Variants in AKAP1 observed in about 807,000 individuals in gnomAD.
AKAP1 encodes the protein A-kinase anchor protein 1, mitochondrial.
AKAP1 carries 32 observed loss-of-function variants against 79.8 expected under a neutral mutation model. That is an observed-to-expected ratio of 0.40 (90% CI 0.30 to 0.54). The LOEUF (loss-of-function observed/expected upper bound fraction) is 0.54. Among genes scored for constraint, AKAP1 ranks in the 20% least tolerant of loss-of-function variants. AKAP1 has a pLI of 0.47. For missense variants in AKAP1, 961 were observed against 1,138.9 expected, an observed-to-expected ratio of 0.84 and a Z score of 2.25; for synonymous variants, 416 against 466.7, an observed-to-expected ratio of 0.89 and a Z score of 1.40.
chr17:57,119,982 C>T (rs532744418), intron 10 of AKAP1, among the ~76,000 whole-genome samples: 1 of 151,880 alleles, frequency 6.6e-6, no homozygotes, highest in South Asian at 2.1e-4. Context: ...CCTGCCACCA[C>T]ACCTGGCTAA....
At chr17:57,120,140 C>T in intron 10 of AKAP1, 110 bp from the exon 11 acceptor site, 1 of 918,534 alleles carries the variant, frequency 1.1e-6, no homozygotes, top group South Asian at 1.6e-5. Flanking sequence ...CTGTTACTCT[C>T]ATACATCTGT....
intron 1 of AKAP1, among the ~76,000 whole-genome samples, chr17:57,100,571 C>T (rs1287375996): frequency 1.3e-5 from 2 of 152,094 alleles, no homozygotes; most frequent in South Asian, 4.1e-4. Flanking sequence ...AAGCCGAGAT[C>T]GTGCCCACTG....
At chr17:57,108,585 G>A (rs551072370) in intron 2 of AKAP1, among the ~76,000 whole-genome samples, 21 of 152,312 alleles carry the variant, frequency 1.4e-4, no homozygotes, top group Admixed American at 3.3e-4. Flanking sequence ...CGTGGTGATG[G>A]GCAGGGAGGT....
At chr17:57,089,203 G>T (rs926058825) in intron 1 of AKAP1, among the ~76,000 whole-genome samples, 3 of 152,128 alleles carry the variant, frequency 2.0e-5, no homozygotes, top group Non-Finnish European at 4.4e-5. Flanking sequence ...TAGACCAAAC[G>T]TGCCCAGGGG....
At chr17:57,096,704 A>T (rs967853751) in intron 1 of AKAP1, 1 of 152,266 alleles carries the variant, frequency 6.6e-6, no homozygotes, top group African/African-American at 2.4e-5. Flanking sequence ...CTGAGGGTGC[A>T]CAGCCCAGGC....
At chr17:57,105,005 C>G (rs1183084682) in intron 1 of AKAP1, among the ~76,000 whole-genome samples, 4 of 152,152 alleles carry the variant, frequency 2.6e-5, no homozygotes, top group African/African-American at 9.7e-5. Flanking sequence ...TGTGAGGGAA[C>G]CATGCACATG....
Position 57,105,835 on chromosome 17 carries a change from G to A in AKAP1, c.371G>A (p.Arg124His), listed in dbSNP as rs150162032. Reference protein sequence around the residue: ...TTDMRLRPGTRRDDSTKLELA... With the variant: ...TTDMRLRPGTHRDDSTKLELA... Reference sequence around the variant, plus strand: ...GACATGAGATTGCGACCAGGAACACGCAGAGATGACAGTACAAAGCTGGAG... The same window carrying A: ...GACATGAGATTGCGACCAGGAACACACAGAGATGACAGTACAAAGCTGGAG... The change falls in exon 2 of 11, where the codon CGC (arginine) becomes CAC (histidine). Residue 124 changes from arginine to histidine, a missense_variant. Physicochemically the swap from Arg to His is conservative, Grantham distance 29. Transcript: ENST00000337714. 9 of 1,614,090 alleles carry A rather than the reference G, an allele frequency of 5.6e-6. No homozygotes were observed. Among genetic ancestry groups the A allele is most frequent in the Middle Eastern group, 1.6e-4 (1 of 6,084 alleles).
chr17:57,098,697 T>TC (rs3842368), intron 1 of AKAP1: 87,599 of 151,148 alleles, frequency 0.58, 25,808 homozygotes, highest in East Asian at 0.79. Context: ...TCTTACCAAT[T>TC]CCAAGAAGTC....
chr17:57,107,409 G>A (rs1282044947), intron 2 of AKAP1, among the ~76,000 whole-genome samples: 2 of 152,180 alleles, frequency 1.3e-5, no homozygotes, highest in South Asian at 2.1e-4. Flanking sequence ...TTCCTCAACC[G>A]GTGACCTTCC....
chr17:57,110,423 G>T (rs113339535), intron 3 of AKAP1, among the ~76,000 whole-genome samples: 1 of 152,094 alleles, frequency 6.6e-6, no homozygotes, highest in Non-Finnish European at 1.5e-5. Flanking sequence ...GTCTCCCTTG[G>T]GGGTGGTTCT....
intron 10 of AKAP1, among the ~76,000 whole-genome samples, chr17:57,119,298 G>A (rs571870058): frequency 2.4e-4 from 37 of 152,118 alleles, no homozygotes; most frequent in South Asian, 1.2e-3. Context: ...TTATCCAACC[G>A]CAAATGTCAA....
In AKAP1 at chr17:57,110,146, C is replaced by T. The variant is rs951981291; in HGVS notation, c.1836C>T (p.Ile612=). 28 of 1,613,754 alleles carry T rather than the reference C, an allele frequency of 1.7e-5. No individual in the cohort carries two copies. Among genetic ancestry groups the T allele is most frequent in the African/African-American group, 1.3e-4 (10 of 74,900 alleles). Residue 612 remains isoleucine, a synonymous_variant, in exon 3 of 11, where the codon ATC becomes ATT. Coordinates refer to ENST00000337714, the MANE Select transcript of AKAP1 (RefSeq NM_003488.4). ...PKKVDLIIWE[I]EVPKHLVGRL... is the part of the protein sequence containing the mutation. ...AGGTCGACCTCATCATCTGGGAGAT[C>T]GAGGTGCCAAAGGTAGGGGCGGAGT...
intron 1 of AKAP1, among the ~76,000 whole-genome samples, chr17:57,091,301 A>G (rs1047158281): frequency 2.0e-5 from 3 of 151,412 alleles, no homozygotes; most frequent in Admixed American, 6.6e-5. Flanking sequence ...TGCTGGTGCT[A>G]TTTTTAGCAG....
At chr17:57,110,249 G>T (rs375112587) in intron 3 of AKAP1, 91 bp downstream of exon 3, 6 of 1,526,294 alleles carry the variant, frequency 3.9e-6, no homozygotes, top group Non-Finnish European at 5.3e-6. Context: ...AGGGGGCTGG[G>T]AGAGGGACAG....
Position 57,106,184 on chromosome 17 carries a change from G to A in AKAP1, c.720G>A (p.Glu240=), listed in dbSNP as rs139907145. The change falls in exon 2 of 11, where the codon GAG becomes GAA. Residue 240 remains glutamate (E), a synonymous_variant. Coordinates refer to ENST00000337714, the MANE Select transcript of AKAP1 (RefSeq NM_003488.4). The part of the protein sequence containing the change: ...NSKGPSLASL[E]GEEDKGKSSS... ...AGGGCCCCAGCCTGGCCTCTTTAGAGGGGGAAGAAGATAAGGGGAAGAGCA... is the reference window on the plus strand; with the variant it reads ...AGGGCCCCAGCCTGGCCTCTTTAGAAGGGGAAGAAGATAAGGGGAAGAGCA... 3.7e-6 allele frequency: 6 copies of A among 1,614,008 alleles called. No homozygotes were observed. Among genetic ancestry groups the A allele is most frequent in the South Asian group, 2.2e-5 (2 of 91,086 alleles).
chr17:57,094,407 C>A (rs1436202050), intron 1 of AKAP1: 1 of 152,204 alleles, frequency 6.6e-6, no homozygotes, highest in Non-Finnish European at 1.5e-5. Flanking sequence ...AGAAGCCAGC[C>A]GATCCATGCA....
chr17:57,096,378 T>G (rs944388831), intron 1 of AKAP1: 3 of 152,174 alleles, frequency 2.0e-5, no homozygotes, highest in African/African-American at 7.2e-5. Flanking sequence ...GCTGGGAAAG[T>G]GTCCCGAGTT....
chr17:57,112,368 C>T, intron 4 of AKAP1, 123 bp from the exon 5 acceptor site: 1 of 1,233,598 alleles, frequency 8.1e-7, no homozygotes, highest in Non-Finnish European at 1.1e-6. Flanking sequence ...TTTGTTACCT[C>T]AAAGATGCAC....
In AKAP1 at chr17:57,106,130, G is replaced by A; in HGVS notation, c.666G>A (p.Arg222=). 1 of 1,608,704 alleles carries A rather than the reference G, an allele frequency of 6.2e-7. No individual in the cohort carries two copies. The highest frequency in any genetic ancestry group is 8.5e-7 in the Non-Finnish European group (1 of 1,176,500). Residue 222 remains arginine, a synonymous_variant, in exon 2 of 11, where the codon CGG becomes CGA. Transcript: ENST00000337714. ...EKVLEEALLS[R]EHVLELENSK... Reference sequence around the variant, plus strand: ...TGCTTGAAGAAGCTCTGTTGTCTCGGGAGCATGTCTTGGAATTGGAGAACA... The same window carrying A: ...TGCTTGAAGAAGCTCTGTTGTCTCGAGAGCATGTCTTGGAATTGGAGAACA...
Sources: gnomAD v4.1 joint callset for allele counts (sites outside exome capture counted in the v4.1 genomes callset) on GRCh38, gnomAD v4.1.1 for gene constraint, MANE v1.5 for transcripts, NCBI Gene and HGNC (gene_info 2026-07-23, HGNC 2026-07-21) for gene names.